The following RERE variants were observed in gnomAD, a reference collection of about 807,000 sequenced individuals.
The protein encoded by RERE is arginine-glutamic acid dipeptide repeats.
Under a neutral mutation model 146.1 loss-of-function variants are expected in RERE, and 40 were observed. The ratio of observed to expected loss-of-function variants is 0.27; its 90% CI spans 0.21 to 0.36. The LOEUF is 0.36. RERE is among the 10% of genes least tolerant of loss of function. The pLI, the probability that RERE is intolerant of heterozygous loss-of-function variation, is 1.00. For synonymous variants in RERE, 1,003 were observed against 866.0 expected (o/e 1.16, Z -2.78); for missense variants, 1,933 against 2,138.7 (o/e 0.90, Z 1.90).
intron 7 of RERE, among the ~76,000 whole-genome samples, chr1:8,537,150 G>A (rs937456891): frequency 6.6e-6 from 1 of 152,164 alleles, no homozygotes; most frequent in Non-Finnish European, 1.5e-5. Context: ...GCTGTGGTGA[G>A]CCCTGATCAC....
intron 11 of RERE, among the ~76,000 whole-genome samples, chr1:8,448,070 T>C (rs1644344295): frequency 1.3e-5 from 2 of 152,194 alleles, no homozygotes. Flanking sequence ...CCCAGCACTA[T>C]GTTCTGGGCA....
chr1:8,586,035 C>T (rs1375457822), intron 4 of RERE, among the ~76,000 whole-genome samples: 2 of 152,144 alleles, frequency 1.3e-5, no homozygotes, highest in Non-Finnish European at 2.9e-5. Flanking sequence ...CCTCTGGATC[C>T]AGCTACTAAT....
intron 11 of RERE, among the ~76,000 whole-genome samples, chr1:8,461,863 G>A (rs1300192280): frequency 6.6e-6 from 1 of 151,848 alleles, no homozygotes; most frequent in Non-Finnish European, 1.5e-5. Flanking sequence ...ATTTTTTTTG[G>A]AGACAGAGTC....
chr1:8,409,971 A>AT (rs57424627), intron 12 of RERE, among the ~76,000 whole-genome samples: 19,213 of 95,338 alleles, frequency 0.2, 2,242 homozygotes, highest in Middle Eastern at 0.24. Flanking sequence ...CAATCAGGCA[A>AT]TTTTTTTTTT....
chr1:8,745,185 T>C (rs1569695018), intron 1 of RERE, among the ~76,000 whole-genome samples: 1 of 152,122 alleles, frequency 6.6e-6, no homozygotes, highest in Non-Finnish European at 1.5e-5. Context: ...CATGATGTTC[T>C]AGAGATGGTG....
intron 3 of RERE, among the ~76,000 whole-genome samples, chr1:8,621,147 A>G (rs886901430): frequency 2.0e-5 from 3 of 152,232 alleles, no homozygotes; most frequent in South Asian, 4.2e-4. Flanking sequence ...CACACTCAAG[A>G]CATTTTTGAG....
At chr1:8,600,560 G>A (rs1646609552) in intron 4 of RERE, among the ~76,000 whole-genome samples, 1 of 152,128 alleles carries the variant, frequency 6.6e-6, no homozygotes, top group African/African-American at 2.4e-5. Flanking sequence ...AAGCCAGGGG[G>A]AAGTGATAGC....
At chr1:8,398,280 G>A (rs533622854) in intron 12 of RERE, among the ~76,000 whole-genome samples, 32 of 152,254 alleles carry the variant, frequency 2.1e-4, no homozygotes, top group Non-Finnish European at 3.2e-4. Flanking sequence ...GGGGCTTGGA[G>A]AAGCTGATTT....
At chr1:8,469,913 A>G (rs1644657792) in intron 10 of RERE, among the ~76,000 whole-genome samples, 1 of 152,154 alleles carries the variant, frequency 6.6e-6, no homozygotes, top group Admixed American at 6.5e-5. Context: ...ATTTCTAGTG[A>G]TGAGCTTAAT....
At chr1:8,469,862 TAGAG>T (rs1335954297) in intron 10 of RERE, among the ~76,000 whole-genome samples, 2 of 152,148 alleles carry the variant, frequency 1.3e-5, no homozygotes, top group Admixed American at 1.3e-4. Context: ...TTCCGTTTGT[TAGAG>T]AGCATGGCTG....
At chr1:8,375,575 C>T (rs985314224) in intron 12 of RERE, among the ~76,000 whole-genome samples, 5 of 151,018 alleles carry the variant, frequency 3.3e-5, no homozygotes, top group Middle Eastern at 3.5e-3. Flanking sequence ...AATGCTTCCT[C>T]GCTCAGCAGC....
At position 8,423,743 on chromosome 1, in the gene RERE, G is replaced by A. The variant is rs1288493338; in HGVS notation, c.1204-936C>T. ...CGGGGCCGCGCGGCGCGGGGCCCGG[G>A]GGGCGCGGGGCTGGGGCCGCCGCTG... On this transcript the variant is annotated intron_variant, in intron 11 of 22. Coordinates refer to ENST00000400908, the MANE Select transcript of RERE (RefSeq NM_001042681.2). The surrounding 1 kb of genome is among the most constrained non-coding windows in gnomAD (Gnocchi z 5.4). 4.2e-6 allele frequency: 4 copies of A among 963,850 alleles called. No individual in the cohort carries two copies. The South Asian group carries it at 1.4e-4, about 34-fold the overall frequency. The allele number at this position is 963,850 out of a possible 1,614,324, so 59.7% of individuals were successfully genotyped here. A position where few individuals can be genotyped will look rare whatever the true frequency, so the allele number is the denominator to read the frequency against.
chr1:8,585,197 T>C (rs1361057645), intron 4 of RERE, among the ~76,000 whole-genome samples: 1 of 151,040 alleles, frequency 6.6e-6, no homozygotes, highest in Non-Finnish European at 1.5e-5. Flanking sequence ...CTGTCACCCC[T>C]TGTGTCCTTG....
intron 11 of RERE, chr1:8,465,558 A>C (rs1644584184): frequency 5.6e-6 from 2 of 354,530 alleles, no homozygotes; most frequent in Non-Finnish European, 1.1e-5. Context: ...CAAGTCACCA[A>C]CCCTACTTTA....
At chr1:8,500,052 C>T (rs527952462) in intron 8 of RERE, among the ~76,000 whole-genome samples, 2 of 152,242 alleles carry the variant, frequency 1.3e-5, no homozygotes, top group African/African-American at 4.8e-5. Context: ...ACCTGGGAGG[C>T]GGAGGTTCCC....
At chr1:8,574,666 A>T (rs1192827757) in intron 4 of RERE, among the ~76,000 whole-genome samples, 8 of 152,212 alleles carry the variant, frequency 5.3e-5, no homozygotes, top group African/African-American at 1.7e-4. Flanking sequence ...AAGCCAAAAA[A>T]ATCAGACACG....
At chr1:8,380,785 C>T (rs1272468914) in intron 12 of RERE, 1 of 456,186 alleles carries the variant, frequency 2.2e-6, no homozygotes. Flanking sequence ...GACTTGAGCC[C>T]ATAGCCCAGG....
chr1:8,759,441 T>C (rs1032706664), intron 1 of RERE, among the ~76,000 whole-genome samples: 6 of 152,156 alleles, frequency 3.9e-5, no homozygotes, highest in Non-Finnish European at 5.9e-5. Flanking sequence ...AATCAAACTA[T>C]AGGTCACAGG....
intron 4 of RERE, among the ~76,000 whole-genome samples, chr1:8,576,962 G>A (rs1318239250): frequency 3.3e-5 from 5 of 152,200 alleles, no homozygotes; most frequent in Non-Finnish European, 7.3e-5. Context: ...AAGGTCAGGA[G>A]ATGGAGACCA....
Sources: allele counts gnomAD v4.1 joint callset (sites outside exome capture counted in the v4.1 genomes callset), GRCh38; gene constraint gnomAD v4.1.1; non-coding constraint Gnocchi (gnomAD v3.1); transcripts MANE v1.5; gene names NCBI Gene and HGNC (gene_info 2026-07-23, HGNC 2026-07-21).